Variants in COL5A2 observed in about 807,000 individuals in gnomAD.
COL5A2 encodes collagen type V alpha 2 chain.
Under a neutral mutation model 208.2 loss-of-function variants are expected in COL5A2, and 23 were observed. That is an observed-to-expected ratio of 0.11 (90% CI 0.08 to 0.16). COL5A2 has a LOEUF of 0.16. Ranked by LOEUF, COL5A2 falls within the 10% of genes least tolerant of loss-of-function variation. The pLI is 1.00. For missense variants in COL5A2, 1,590 were observed against 1,956.4 expected (o/e 0.81, Z 3.53); for synonymous variants, 625 against 628.5 (o/e 0.99, Z 0.08).
At chr2:189,224,277 T>C (rs1454115620) in intron 1 of COL5A2, among the ~76,000 whole-genome samples, 1 of 152,098 alleles carries the variant, frequency 6.6e-6, no homozygotes, top group South Asian at 2.1e-4. Flanking sequence ...AAAAATAAAG[T>C]TAGTTCCCTG....
chr2:189,429,268 A>G, the COL5A2 span, among the ~76,000 whole-genome samples: 1 of 152,098 alleles, frequency 6.6e-6, no homozygotes, highest in Non-Finnish European at 1.5e-5. Flanking sequence ...TGTTAAATTT[A>G]AAAAAAAGAA....
At chr2:189,335,579 G>A in the COL5A2 span, among the ~76,000 whole-genome samples, 1 of 152,074 alleles carries the variant, frequency 6.6e-6, no homozygotes, top group Non-Finnish European at 1.5e-5. Context: ...ATTGATGAAT[G>A]AATTTTAAAT....
intron 1 of COL5A2, among the ~76,000 whole-genome samples, chr2:189,130,013 T>C (rs1687680639): frequency 6.6e-6 from 1 of 152,034 alleles, no homozygotes; most frequent in Non-Finnish European, 1.5e-5. Flanking sequence ...ACTAAAATCT[T>C]TTTCCCTCCT....
intron 8 of COL5A2, among the ~76,000 whole-genome samples, chr2:189,087,169 C>A (rs566358432): frequency 6.8e-6 from 1 of 146,004 alleles, no homozygotes; most frequent in South Asian, 2.3e-4. Context: ...ATTCTTATAA[C>A]TTAAATAAGT....
At chr2:189,256,803 T>G in the COL5A2 span, among the ~76,000 whole-genome samples, 1 of 152,182 alleles carries the variant, frequency 6.6e-6, no homozygotes, top group Non-Finnish European at 1.5e-5. Context: ...AATTTTTTTG[T>G]ATTTTTAGTA....
chr2:189,082,459 G>A (rs911602059), intron 12 of COL5A2, among the ~76,000 whole-genome samples: 1 of 152,150 alleles, frequency 6.6e-6, no homozygotes, highest in Admixed American at 6.6e-5. Context: ...TCAACTTAAT[G>A]CCTCATTTTA....
At chr2:189,271,008 G>C in the COL5A2 span, among the ~76,000 whole-genome samples, 11 of 152,154 alleles carry the variant, frequency 7.2e-5, no homozygotes, top group South Asian at 4.1e-4. Flanking sequence ...AATAAGAGAG[G>C]ACACAAACAA....
At chr2:189,396,270 A>G in the COL5A2 span, among the ~76,000 whole-genome samples, 4 of 152,226 alleles carry the variant, frequency 2.6e-5, no homozygotes, top group Non-Finnish European at 5.9e-5. Flanking sequence ...TCTGTACCCC[A>G]AAGGGTACAT....
chr2:189,041,365 CATT>C (rs1308922209), intron 50 of COL5A2, among the ~76,000 whole-genome samples: 1 of 152,122 alleles, frequency 6.6e-6, no homozygotes, highest in East Asian at 1.9e-4. Flanking sequence ...GTTAGTATCA[CATT>C]ATGTTAATGT....
At chr2:189,424,572 G>T in the COL5A2 span, among the ~76,000 whole-genome samples, 1 of 152,048 alleles carries the variant, frequency 6.6e-6, no homozygotes, top group Non-Finnish European at 1.5e-5. Context: ...ACTTATAGTA[G>T]CTACAAAAGA....
rs183500738 is a variant in COL5A2 at position 189,099,011 on chromosome 2, C to A, written c.370-252G>T. Among the ~76,000 whole-genome samples, 6 of 152,118 alleles carry A rather than the reference C, an allele frequency of 3.9e-5. No homozygotes were observed. In the South Asian group the frequency reaches 1.2e-3, roughly 32 times the overall value. ...AGCCAAGGGGCCTGGGTTCAAATCC[C>A]GACACTACCCTTTACCAGATGTGTG... On this transcript the variant is annotated intron_variant, in intron 4 of 53. Coordinates refer to ENST00000374866, the MANE Select transcript of COL5A2 (RefSeq NM_000393.5).
chr2:189,422,229 A>G, the COL5A2 span, among the ~76,000 whole-genome samples: 1 of 152,186 alleles, frequency 6.6e-6, no homozygotes, highest in Non-Finnish European at 1.5e-5. Context: ...AACATTTATA[A>G]TAACTGTTTT....
chr2:189,166,290 G>A (rs1337045490), intron 1 of COL5A2, among the ~76,000 whole-genome samples: 2 of 151,832 alleles, frequency 1.3e-5, no homozygotes, highest in Non-Finnish European at 2.9e-5. Context: ...ACCCAGGTGT[G>A]ACTTGAAACT....
chr2:189,374,537 G>A, the COL5A2 span, among the ~76,000 whole-genome samples: 2 of 151,848 alleles, frequency 1.3e-5, no homozygotes, highest in Admixed American at 1.3e-4. Context: ...TTGCATGAAT[G>A]CATTGCTTAA....
At chr2:189,240,761 G>A in the COL5A2 span, among the ~76,000 whole-genome samples, 1 of 151,932 alleles carries the variant, frequency 6.6e-6, no homozygotes, top group African/African-American at 2.4e-5. Flanking sequence ...ACCTTTACAT[G>A]TTATTTTCAT....
At chr2:189,414,067 C>A in the COL5A2 span, among the ~76,000 whole-genome samples, 3 of 152,212 alleles carry the variant, frequency 2.0e-5, no homozygotes, top group African/African-American at 7.2e-5. Flanking sequence ...GCTGGGACTA[C>A]GGGCGTGAGC....
intron 1 of COL5A2, among the ~76,000 whole-genome samples, chr2:189,140,389 G>A (rs1687913362): frequency 6.6e-6 from 1 of 152,080 alleles, no homozygotes; most frequent in Admixed American, 6.5e-5. Flanking sequence ...GCAGATTAGA[G>A]GACTCTTCTG....
chr2:189,187,687 T>C (rs1299911356), intron 1 of COL5A2, among the ~76,000 whole-genome samples: 6 of 152,122 alleles, frequency 3.9e-5, no homozygotes, highest in African/African-American at 1.4e-4. Flanking sequence ...AATGTTACTA[T>C]TGGCCGGGCG....
At chr2:189,233,270 G>A in the COL5A2 span, among the ~76,000 whole-genome samples, 1 of 151,706 alleles carries the variant, frequency 6.6e-6, no homozygotes, top group Non-Finnish European at 1.5e-5. Context: ...ATCCAGGAAA[G>A]ATAAACAGGG....
Sources: gnomAD v4.1 joint callset for allele counts (sites outside exome capture counted in the v4.1 genomes callset) on GRCh38, gnomAD v4.1.1 for gene constraint, MANE v1.5 for transcripts, NCBI Gene and HGNC (gene_info 2026-07-23, HGNC 2026-07-21) for gene names.